Variants in IPCEF1 observed in about 807,000 individuals in gnomAD.
IPCEF1 encodes the protein interactor protein for cytohesin exchange factors 1.
In IPCEF1, 31 loss-of-function variants were observed where a neutral mutation model predicts 50.9. The ratio of observed to expected loss-of-function variants is 0.61; its 90% CI spans 0.46 to 0.82. IPCEF1 has a LOEUF of 0.82. Ranked by LOEUF, IPCEF1 falls within the 40% of genes least tolerant of loss-of-function variation. The pLI is 0.00. For synonymous variants in IPCEF1, 181 were observed against 192.0 expected, an observed-to-expected ratio of 0.94 and a Z score of 0.47; for missense variants, 458 against 514.0, an observed-to-expected ratio of 0.89 and a Z score of 1.05.
chr6:154,295,428 C>T (rs920171296), intron 1 of IPCEF1, among the ~76,000 whole-genome samples: 6 of 151,766 alleles, frequency 4.0e-5, no homozygotes, highest in African/African-American at 7.3e-5. Flanking sequence ...GCCGTGCTGC[C>T]CCCAACCTCC....
intron 1 of IPCEF1, among the ~76,000 whole-genome samples, chr6:154,335,138 C>A (rs1396326959): frequency 6.6e-6 from 1 of 151,972 alleles, no homozygotes; most frequent in African/African-American, 2.4e-5. Context: ...CATAGTGAGA[C>A]CCTGTCTCTA....
chr6:154,293,926 C>T (rs929974317), intron 1 of IPCEF1, among the ~76,000 whole-genome samples: 2 of 152,104 alleles, frequency 1.3e-5, no homozygotes, highest in South Asian at 4.1e-4. Flanking sequence ...TCATTTTTCC[C>T]CACTAATCCT....
At chr6:154,288,667 CAAAAAAAACAAAAAAAAAAAAAAAAA>C in intron 2 of IPCEF1, among the ~76,000 whole-genome samples, 1 of 112,646 alleles carries the variant, frequency 8.9e-6, no homozygotes, top group South Asian at 2.8e-4. Context: ...GTCTAAAAAA[CAAAAAAAACAAAAAAAAAAAAAAAAA>C]AAAAAAAAAA....
chr6:154,286,554 GA>G (rs1345733979), intron 2 of IPCEF1, among the ~76,000 whole-genome samples: 1 of 152,152 alleles, frequency 6.6e-6, no homozygotes, highest in Non-Finnish European at 1.5e-5. Flanking sequence ...GACTTTGCTA[GA>G]AAAATATCAT....
chr6:154,307,600 A>C (rs1225645289), intron 1 of IPCEF1, among the ~76,000 whole-genome samples: 3 of 152,154 alleles, frequency 2.0e-5, no homozygotes, highest in African/African-American at 4.8e-5. Flanking sequence ...CGTGGTCCAG[A>C]ACTGTCTTTT....
chr6:154,279,131 A>G (rs12203235), intron 2 of IPCEF1, among the ~76,000 whole-genome samples: 25,561 of 151,544 alleles, frequency 0.17, 2,905 homozygotes, highest in East Asian at 0.58. Context: ...TCAAAATAAA[A>G]AAAAAAAAAA....
intron 7 of IPCEF1, among the ~76,000 whole-genome samples, chr6:154,217,998 T>C (rs929411538): frequency 1.3e-5 from 2 of 152,216 alleles, no homozygotes; most frequent in Non-Finnish European, 2.9e-5. Context: ...ATTAGTTACT[T>C]GCTGTGAAAA....
chr6:154,280,827 A>G (rs1782188571), intron 2 of IPCEF1, among the ~76,000 whole-genome samples: 1 of 152,244 alleles, frequency 6.6e-6, no homozygotes, highest in African/African-American at 2.4e-5. Context: ...ACACTTTATG[A>G]TAAATCATCT....
rs140170059 is a variant in IPCEF1, at chr6:154,260,000, C to T, written c.36+5912G>A. Among the ~76,000 whole-genome samples, 464 of 152,320 alleles carry T rather than the reference C, an allele frequency of 3.0e-3. 3 individuals are homozygous for T. Among genetic ancestry groups the T allele is most frequent in the East Asian group, 9.8e-3 (51 of 5,186 alleles). On this transcript the variant is annotated intron_variant, in intron 3 of 11. Transcript: ENST00000367220. ...TCACTTCCACTCCCTGCAGTTCACA[C>T]GACGAGCACGGAGATGGAGTGAGCG...
At chr6:154,248,641 G>A (rs1781251054) in intron 3 of IPCEF1, among the ~76,000 whole-genome samples, 1 of 152,126 alleles carries the variant, frequency 6.6e-6, no homozygotes, top group African/African-American at 2.4e-5. Context: ...AGTGAAAAGA[G>A]GAGAAGGTCT....
At chr6:154,226,462 C>G (rs1779260746) in intron 5 of IPCEF1, among the ~76,000 whole-genome samples, 1 of 152,122 alleles carries the variant, frequency 6.6e-6, no homozygotes, top group Non-Finnish European at 1.5e-5. Flanking sequence ...CAAAACAGGA[C>G]ATGTGAGAGA....
intron 5 of IPCEF1, among the ~76,000 whole-genome samples, chr6:154,244,301 G>GT (rs1554298352): frequency 9.9e-4 from 146 of 148,060 alleles, no homozygotes; most frequent in African/African-American, 1.4e-3. Flanking sequence ...TGTGTGGGTG[G>GT]GTGTGTGTGT....
chr6:154,332,495 TG>T (rs1275502416), intron 1 of IPCEF1, among the ~76,000 whole-genome samples: 1 of 152,188 alleles, frequency 6.6e-6, no homozygotes, highest in Admixed American at 6.5e-5. Context: ...GAAGATGCTA[TG>T]TTTCAAGAAT....
At chr6:154,172,126 C>T (rs1799923557) in intron 10 of IPCEF1, among the ~76,000 whole-genome samples, 1 of 152,196 alleles carries the variant, frequency 6.6e-6, no homozygotes, top group African/African-American at 2.4e-5. Context: ...TTGACTAAAA[C>T]ATTTTGTTTG....
chr6:154,325,663 C>T (rs1424150835), intron 1 of IPCEF1, among the ~76,000 whole-genome samples: 1 of 152,144 alleles, frequency 6.6e-6, no homozygotes, highest in Non-Finnish European at 1.5e-5. Flanking sequence ...CTAACATGCT[C>T]CTGGGAGGAG....
At chr6:154,263,320 A>G (rs1781652710) in intron 3 of IPCEF1, among the ~76,000 whole-genome samples, 2 of 148,282 alleles carry the variant, frequency 1.3e-5, no homozygotes, top group South Asian at 4.3e-4. Flanking sequence ...TCACAGGACA[A>G]TAGTGGAGGG....
At chr6:154,305,295 C>T (rs1376230219) in intron 1 of IPCEF1, among the ~76,000 whole-genome samples, 1 of 152,074 alleles carries the variant, frequency 6.6e-6, no homozygotes, top group Admixed American at 6.5e-5. Context: ...ATTTGAGCTC[C>T]CTTTCTCCTT....
intron 1 of IPCEF1, among the ~76,000 whole-genome samples, chr6:154,324,496 T>A (rs1444921166): frequency 6.6e-6 from 1 of 152,140 alleles, no homozygotes; most frequent in Non-Finnish European, 1.5e-5. Flanking sequence ...CCTTTTTGGA[T>A]CTGAGAAGGC....
At chr6:154,185,573 G>T (rs1487522976) in intron 10 of IPCEF1, among the ~76,000 whole-genome samples, 1 of 152,084 alleles carries the variant, frequency 6.6e-6, no homozygotes, top group Non-Finnish European at 1.5e-5. Flanking sequence ...ATTTGGCTTT[G>T]ATTTTAACAC....
Sources: allele counts gnomAD v4.1 joint callset (sites outside exome capture counted in the v4.1 genomes callset), GRCh38; gene constraint gnomAD v4.1.1; transcripts MANE v1.5; gene names NCBI Gene and HGNC (gene_info 2026-07-23, HGNC 2026-07-21).